Variants in LHFPL3 observed in about 807,000 individuals in gnomAD.
LHFPL3 encodes LHFPL tetraspan subfamily member 3 protein.
In LHFPL3, 5 loss-of-function variants were observed where a neutral mutation model predicts 19.3. The ratio of observed to expected loss-of-function variants is 0.26; its 90% CI spans 0.14 to 0.54. LHFPL3 has a LOEUF of 0.54. Among genes scored for constraint, LHFPL3 ranks in the 20% least tolerant of loss-of-function variants. LHFPL3 has a pLI of 0.94. For missense variants in LHFPL3, 249 were observed against 307.4 expected (o/e 0.81, Z 1.42); for synonymous variants, 133 against 126.2 (o/e 1.05, Z -0.36).
At chr7:104,420,947 G>A (rs1470304232) in intron 1 of LHFPL3, among the ~76,000 whole-genome samples, 4 of 152,176 alleles carry the variant, frequency 2.6e-5, no homozygotes, top group Admixed American at 6.5e-5. Flanking sequence ...CAGAGAAAAG[G>A]ATCAGTTAGT....
intron 1 of LHFPL3, chr7:104,623,109 A>G (rs1247129245): frequency 1.9e-5 from 4 of 209,950 alleles, no homozygotes; most frequent in Non-Finnish European, 4.1e-5. Flanking sequence ...TCATTTGCCT[A>G]TTTTTAAATT....
chr7:104,657,055 A>G (rs191306489), intron 1 of LHFPL3, among the ~76,000 whole-genome samples: 54 of 152,330 alleles, frequency 3.5e-4, no homozygotes, highest in South Asian at 8.3e-4. Context: ...TGATGGCTCA[A>G]TTTCTCCACC....
chr7:104,873,656 TG>T (rs1305108509), intron 2 of LHFPL3, among the ~76,000 whole-genome samples: 5 of 152,054 alleles, frequency 3.3e-5, no homozygotes, highest in Non-Finnish European at 7.4e-5. Context: ...AAACTGAAAC[TG>T]GTATGTTAAT....
intron 1 of LHFPL3, among the ~76,000 whole-genome samples, chr7:104,541,067 G>A (rs1794475863): frequency 6.7e-6 from 1 of 149,658 alleles, no homozygotes; most frequent in Non-Finnish European, 1.5e-5. Flanking sequence ...ACTTCATTAT[G>A]CTTCTGCTTA....
intron 1 of LHFPL3, among the ~76,000 whole-genome samples, chr7:104,430,137 AT>A (rs113448220): frequency 0.17 from 25,743 of 151,300 alleles, 3,449 homozygotes; most frequent in African/African-American, 0.37. Context: ...TCTTTTAAAA[AT>A]CTCGTGCAGG....
At chr7:104,430,397 T>C (rs867292074) in intron 1 of LHFPL3, among the ~76,000 whole-genome samples, 1,140 of 43,020 alleles carry the variant, frequency 0.026, 73 homozygotes, top group African/African-American at 0.047. Context: ...TATATATATA[T>C]ATATATACAT....
intron 1 of LHFPL3, among the ~76,000 whole-genome samples, chr7:104,592,729 C>T (rs1164208982): frequency 6.6e-6 from 1 of 152,176 alleles, no homozygotes; most frequent in African/African-American, 2.4e-5. Context: ...AGGCCGGCCT[C>T]CTTGAGCTGC....
chr7:104,485,446 T>C (rs1793219567), intron 1 of LHFPL3, among the ~76,000 whole-genome samples: 1 of 152,186 alleles, frequency 6.6e-6, no homozygotes, highest in Non-Finnish European at 1.5e-5. Flanking sequence ...CTAGGATTTT[T>C]ACATTGGCAT....
intron 2 of LHFPL3, among the ~76,000 whole-genome samples, chr7:104,856,231 T>A (rs150200546): frequency 0.012 from 1,681 of 145,510 alleles, 37 homozygotes; most frequent in African/African-American, 0.04. Flanking sequence ...CCTGATTCTG[T>A]CCCAGGAAAT....
At chr7:104,592,946 A>G (rs966070690) in intron 1 of LHFPL3, among the ~76,000 whole-genome samples, 1 of 152,118 alleles carries the variant, frequency 6.6e-6, no homozygotes, top group East Asian at 1.9e-4. Flanking sequence ...TGCTAAGACC[A>G]TTGTAAAAGC....
chr7:104,540,828 C>T (rs1794472159), intron 1 of LHFPL3, among the ~76,000 whole-genome samples: 1 of 152,136 alleles, frequency 6.6e-6, no homozygotes, highest in South Asian at 2.1e-4. Flanking sequence ...TAATCACTCA[C>T]CAAGGCCAGT....
intron 1 of LHFPL3, among the ~76,000 whole-genome samples, chr7:104,511,076 A>AAGAG (rs982145073): frequency 6.6e-6 from 1 of 152,174 alleles, no homozygotes; most frequent in Non-Finnish European, 1.5e-5. Context: ...GAAAGAAAGA[A>AAGAG]AAAGGACTAG....
At chr7:104,584,225 G>T (rs575643033) in intron 1 of LHFPL3, among the ~76,000 whole-genome samples, 1 of 151,832 alleles carries the variant, frequency 6.6e-6, no homozygotes, top group Non-Finnish European at 1.5e-5. Context: ...ACCAAACACC[G>T]CATGTTCTAA....
intron 1 of LHFPL3, among the ~76,000 whole-genome samples, chr7:104,672,393 C>A (rs961156310): frequency 6.6e-6 from 1 of 152,086 alleles, no homozygotes; most frequent in African/African-American, 2.4e-5. Context: ...GAGTCTATAT[C>A]CTAGTTCATC....
At chr7:104,363,152 T>C (rs545807789) in intron 1 of LHFPL3, among the ~76,000 whole-genome samples, 1 of 152,314 alleles carries the variant, frequency 6.6e-6, no homozygotes, top group Non-Finnish European at 1.5e-5. Flanking sequence ...GTTATCACCT[T>C]TGTTTAAAAG....
Position 104,807,011 on chromosome 7 carries a change from ATG to A in LHFPL3, c.682+70142_682+70143del, listed in dbSNP as rs10665231. ...TGAATTGTGCCCCACCAAAATATAT[ATG>A]TGTGTGTGTGTGTGTGTGTGTGTGT... On this transcript the variant is annotated intron_variant, in intron 2 of 2. Transcript: ENST00000424859. 7.8e-3 allele frequency among the ~76,000 whole-genome samples: 1,087 copies of A among 139,748 alleles called. 11 individuals carry two copies. Among genetic ancestry groups the A allele is most frequent in the African/African-American group, 0.019 (695 of 37,464 alleles). 91.7% of individuals were successfully genotyped at this position (139,748 alleles called of 152,430 possible).
intron 1 of LHFPL3, among the ~76,000 whole-genome samples, chr7:104,367,421 C>G (rs73403817): frequency 0.041 from 6,177 of 152,226 alleles, 400 homozygotes; most frequent in African/African-American, 0.14. Flanking sequence ...TATTTCCAGA[C>G]TAGAGAATTG....
intron 1 of LHFPL3, among the ~76,000 whole-genome samples, chr7:104,505,073 T>C (rs1269144911): frequency 1.3e-5 from 2 of 152,230 alleles, no homozygotes; most frequent in African/African-American, 4.8e-5. Context: ...ACATACTATG[T>C]ATATGTAGAA....
At chr7:104,844,200 C>A (rs1791269152) in intron 2 of LHFPL3, among the ~76,000 whole-genome samples, 1 of 152,216 alleles carries the variant, frequency 6.6e-6, no homozygotes, top group Non-Finnish European at 1.5e-5. Context: ...CTTGATCAAC[C>A]AGTTGGTATT....
Sources: gnomAD v4.1 joint callset for allele counts (sites outside exome capture counted in the v4.1 genomes callset) on GRCh38, gnomAD v4.1.1 for gene constraint, MANE v1.5 for transcripts, NCBI Gene and HGNC (gene_info 2026-07-23, HGNC 2026-07-21) for gene names.